MYRIP: variants seen among roughly 807,000 people sequenced by gnomAD.
MYRIP encodes myosin VIIA and Rab interacting protein.
Under a neutral mutation model 98.0 loss-of-function variants are expected in MYRIP, and 49 were observed. The observed-to-expected ratio is 0.50, with a 90% CI of 0.40 to 0.63. The LOEUF is 0.63. MYRIP is among the 30% of genes least tolerant of loss of function. The probability of loss-of-function intolerance (pLI) is 0.00; values close to 1 mark genes in which losing one functional copy is unlikely to be tolerated. For missense variants in MYRIP, 1,004 were observed against 1,058.2 expected (o/e 0.95, Z 0.71); for synonymous variants, 404 against 409.5 (o/e 0.99, Z 0.16).
At chr3:39,852,149 T>G (rs772425687) in intron 1 of MYRIP, among the ~76,000 whole-genome samples, 9 of 152,098 alleles carry the variant, frequency 5.9e-5, no homozygotes, top group Non-Finnish European at 1.2e-4. Flanking sequence ...AAATCAAAAG[T>G]AGGGAGCCTG....
chr3:39,926,652 G>A (rs1228230878), intron 2 of MYRIP, among the ~76,000 whole-genome samples: 2 of 151,900 alleles, frequency 1.3e-5, no homozygotes, highest in Admixed American at 6.6e-5. Flanking sequence ...GTAGGTGTGA[G>A]GCTCTATGTC....
At chr3:40,079,372 T>A (rs1412569582) in intron 3 of MYRIP, among the ~76,000 whole-genome samples, 1 of 152,138 alleles carries the variant, frequency 6.6e-6, no homozygotes, top group Non-Finnish European at 1.5e-5. Flanking sequence ...TAGTGTCTAG[T>A]GGGCCTGTGA....
At chr3:40,028,138 G>T (rs1202889728) in intron 2 of MYRIP, among the ~76,000 whole-genome samples, 2 of 152,138 alleles carry the variant, frequency 1.3e-5, no homozygotes, top group African/African-American at 2.4e-5. Context: ...GAGCCTGTGT[G>T]TGTCCTCTCA....
In MYRIP at chr3:39,996,776, G is replaced by C. The variant is rs1276646126; in HGVS notation, c.111-47274G>C. On this transcript the variant is annotated intron_variant, in intron 2 of 16. Transcript: ENST00000302541. ...CACCTATTCCAAAATTGACCACAGG[G>C]TTGGAAGTAAAGCACTCCTCAGCAA... 1.1e-4 allele frequency among the ~76,000 whole-genome samples: 16 copies of C among 152,166 alleles called. No individual in the cohort carries two copies. The East Asian group carries it at 2.7e-3, about 26-fold the overall frequency.
chr3:40,106,737 G>C (rs1352366397), intron 3 of MYRIP, among the ~76,000 whole-genome samples: 1 of 151,728 alleles, frequency 6.6e-6, no homozygotes, highest in Non-Finnish European at 1.5e-5. Context: ...TGTAAATTTT[G>C]TTATTCAGCC....
chr3:40,171,002 C>T (rs913489424), intron 8 of MYRIP, among the ~76,000 whole-genome samples: 3 of 152,176 alleles, frequency 2.0e-5, no homozygotes, highest in Non-Finnish European at 4.4e-5. Flanking sequence ...CCTTTGTCCT[C>T]GCCAACTGCC....
At chr3:40,078,130 G>T (rs1948392789) in intron 3 of MYRIP, among the ~76,000 whole-genome samples, 1 of 152,234 alleles carries the variant, frequency 6.6e-6, no homozygotes, top group Admixed American at 6.5e-5. Flanking sequence ...GGCTGGCACT[G>T]CTGGGGGACC....
chr3:39,868,493 A>G (rs1487256163), intron 1 of MYRIP, among the ~76,000 whole-genome samples: 1 of 152,086 alleles, frequency 6.6e-6, no homozygotes, highest in East Asian at 1.9e-4. Flanking sequence ...TCTGCTTGGG[A>G]GTTCTGCCCT....
intron 2 of MYRIP, among the ~76,000 whole-genome samples, chr3:40,024,303 C>T (rs1429224478): frequency 6.6e-6 from 1 of 152,130 alleles, no homozygotes; most frequent in Non-Finnish European, 1.5e-5. Context: ...TTCCACTTAA[C>T]AGAGTTGTGA....
intron 2 of MYRIP, among the ~76,000 whole-genome samples, chr3:39,916,023 A>C (rs903597143): frequency 1.3e-5 from 2 of 152,038 alleles, no homozygotes; most frequent in African/African-American, 2.4e-5. Context: ...CTTGCTAGTT[A>C]TGTGGCCCCA....
intron 12 of MYRIP, chr3:40,242,104 C>G (rs60176309): frequency 0.075 from 11,416 of 152,242 alleles, 574 homozygotes; most frequent in African/African-American, 0.14. Context: ...CAGTCCCCAG[C>G]TGTGAGACCT....
At chr3:40,251,385 A>G (rs1953373274) in intron 15 of MYRIP, among the ~76,000 whole-genome samples, 1 of 152,216 alleles carries the variant, frequency 6.6e-6, no homozygotes. Flanking sequence ...TAGAAAGGTA[A>G]TATAGTACAC....
At chr3:40,057,125 C>T (rs1035710732) in intron 3 of MYRIP, among the ~76,000 whole-genome samples, 4 of 152,126 alleles carry the variant, frequency 2.6e-5, no homozygotes, top group Non-Finnish European at 5.9e-5. Context: ...TCAACACCCC[C>T]ACCACCTTCC....
At chr3:40,031,852 T>C (rs1335132760) in intron 2 of MYRIP, among the ~76,000 whole-genome samples, 1 of 152,196 alleles carries the variant, frequency 6.6e-6, no homozygotes, top group Non-Finnish European at 1.5e-5. Flanking sequence ...TATCATTTTT[T>C]ATTGCGTCTA....
chr3:40,231,426 T>C (rs1182404039), intron 11 of MYRIP, among the ~76,000 whole-genome samples: 1 of 152,126 alleles, frequency 6.6e-6, no homozygotes, highest in African/African-American at 2.4e-5. Context: ...CCAATAAAAA[T>C]GTAGAATGAA....
intron 3 of MYRIP, among the ~76,000 whole-genome samples, chr3:40,140,635 G>GT (rs1332326521): frequency 7.2e-5 from 11 of 152,006 alleles, no homozygotes; most frequent in African/African-American, 1.2e-4. Context: ...CTATTTTTTT[G>GT]TTTTTTTGAT....
At chr3:40,220,653 G>A (rs556477611) in intron 11 of MYRIP, among the ~76,000 whole-genome samples, 1 of 152,264 alleles carries the variant, frequency 6.6e-6, no homozygotes, top group African/African-American at 2.4e-5. Context: ...AAAAACCTTA[G>A]ACTGGGTAAT....
In MYRIP at chr3:39,821,112, G is replaced by T. The variant is rs572552858; in HGVS notation, c.-31+11196G>T. On this transcript the variant is annotated intron_variant, in intron 1 of 16. Transcript: ENST00000302541. Reference sequence around the variant, plus strand: ...GATAGTTAAAATTGCTTCCCCAAAAGGTGGAAACATTGCTAGAAAAAGTGG... The same window carrying T: ...GATAGTTAAAATTGCTTCCCCAAAATGTGGAAACATTGCTAGAAAAAGTGG... 1.4e-3 allele frequency among the ~76,000 whole-genome samples: 208 copies of T among 152,282 alleles called. 5 individuals are homozygous for T. In the South Asian group the frequency reaches 0.042, roughly 31 times the overall value.
At position 39,820,663 on chromosome 3, in the gene MYRIP, T is replaced by G. The variant is rs889036804; in HGVS notation, c.-31+10747T>G. 1.2e-4 allele frequency among the ~76,000 whole-genome samples: 19 copies of G among 152,364 alleles called. 1 individual carries two copies. Among genetic ancestry groups the G allele is most frequent in the Admixed American group, 1.2e-3 (19 of 15,302 alleles). Reference sequence around the variant, plus strand: ...TAGTATTATGTTTGAGATGAGTATCTTTCTTTTACAGCTAATTATAAGAAA... The same window carrying G: ...TAGTATTATGTTTGAGATGAGTATCGTTCTTTTACAGCTAATTATAAGAAA... On this transcript the variant is annotated intron_variant, in intron 1 of 16. Transcript: ENST00000302541.
Sources: allele counts gnomAD v4.1 joint callset (sites outside exome capture counted in the v4.1 genomes callset), GRCh38; gene constraint gnomAD v4.1.1; transcripts MANE v1.5; gene names NCBI Gene and HGNC (gene_info 2026-07-23, HGNC 2026-07-21).